Variants in SLC25A36 observed in about 807,000 individuals in gnomAD.
SLC25A36 encodes the protein solute carrier family 25 member 36, also known as epididymis secretory sperm binding protein.
A neutral mutation model predicts 35.3 loss-of-function variants in SLC25A36; 24 were observed. The ratio of observed to expected loss-of-function variants is 0.68; its 90% confidence interval spans 0.49 to 0.96. The LOEUF is 0.96. Ranked by LOEUF, SLC25A36 falls within the 40% of genes least tolerant of loss-of-function variation. SLC25A36 has a pLI of 0.00. For synonymous variants in SLC25A36, 141 were observed against 132.2 expected, an observed-to-expected ratio of 1.07 and a Z score of -0.46; for missense variants, 294 against 381.1, an observed-to-expected ratio of 0.77 and a Z score of 1.90.
In SLC25A36 at chr3:140,945,900, C is replaced by T. The variant is rs1456413111; in HGVS notation, c.41+3805C>T. 5.3e-5 allele frequency among the ~76,000 whole-genome samples: 8 copies of T among 152,004 alleles called. No homozygotes were observed. The South Asian group carries it at 8.3e-4, about 16-fold the overall frequency. Reference sequence around the variant, plus strand: ...AACTGTATGCCGAAGTGTGGTTCTGCGTTGTTTCAATTGCAGGCTACACTA... The same window carrying T: ...AACTGTATGCCGAAGTGTGGTTCTGTGTTGTTTCAATTGCAGGCTACACTA... On this transcript the variant is annotated intron_variant, in intron 1 of 6. Coordinates refer to ENST00000324194, the MANE Select transcript of SLC25A36 (RefSeq NM_001104647.3).
intron 4 of SLC25A36, chr3:140,963,903 T>C (rs530541619): frequency 6.6e-6 from 1 of 152,082 alleles, no homozygotes; most frequent in Non-Finnish European, 1.5e-5. Context: ...TACCCTGCCA[T>C]AAAGATAAAC....
chr3:140,967,793 AAG>A (rs1263589037), intron 4 of SLC25A36, among the ~76,000 whole-genome samples: 1 of 151,936 alleles, frequency 6.6e-6, no homozygotes. Flanking sequence ...CCATCCTACT[AAG>A]AGTATGGCCA....
At chr3:140,947,700 C>G (rs1934204535) in intron 1 of SLC25A36, among the ~76,000 whole-genome samples, 1 of 152,048 alleles carries the variant, frequency 6.6e-6, no homozygotes, top group South Asian at 2.1e-4. Context: ...TTAATTTTTT[C>G]CTGCATCAGA....
chr3:140,973,725 G>A lies in SLC25A36; in HGVS notation c.462G>A (p.Gly154=). 1 of 1,471,662 alleles carries A rather than the reference G, an allele frequency of 6.8e-7. No individual in the cohort carries two copies. 91.2% of individuals were successfully genotyped at this position (1,471,662 alleles called of 1,614,324 possible). ...TCTTTTTGCTTTTCAGGAACCGCGG[G>A]GAAAGGCGAATGGGTGCTTTTGAAT... is the stretch of plus-strand genomic sequence containing the variant. ...TRLQLDARNR[G]ERRMGAFECV... The change falls in exon 6 of 7, where the codon GGG becomes GGA. Residue 154 remains glycine (G), a synonymous_variant. Transcript: ENST00000324194.
intron 1 of SLC25A36, among the ~76,000 whole-genome samples, chr3:140,954,324 C>T (rs539029795): frequency 6.6e-6 from 1 of 152,238 alleles, no homozygotes; most frequent in African/African-American, 2.4e-5. Context: ...CAGTTTTTAG[C>T]TATGAATAAG....
Position 140,976,243 on chromosome 3 carries a change from A to C in SLC25A36, c.743-17A>C. 2.6e-6 allele frequency: 4 copies of C among 1,527,102 alleles called. No homozygotes were observed. The South Asian group carries it at 3.6e-5, about 14-fold the overall frequency. The allele number at this position is 1,527,102 out of a possible 1,614,324, so 94.6% of individuals were successfully genotyped here. Reference sequence around the variant, plus strand: ...AAAGATATCAGTAATGTTTAATTTTATTTCTTTCCTACACAGAAGTTGTAA... The same window carrying C: ...AAAGATATCAGTAATGTTTAATTTTCTTTCTTTCCTACACAGAAGTTGTAA... On this transcript the variant is annotated splice_polypyrimidine_tract_variant and intron_variant, in intron 6 of 6. Coordinates refer to ENST00000324194, the MANE Select transcript of SLC25A36 (RefSeq NM_001104647.3).
In SLC25A36 at chr3:140,978,326, A is replaced by G. The variant is rs1935103678; in HGVS notation, c.*1873A>G. 1 of 152,184 alleles carries G rather than the reference A, an allele frequency of 6.6e-6. No homozygotes were observed. Among genetic ancestry groups the G allele is most frequent in the East Asian group, 1.9e-4 (1 of 5,206 alleles). 9.4% of individuals were successfully genotyped at this position (152,184 alleles called of 1,614,324 possible). On this transcript the variant is annotated 3_prime_UTR_variant, in exon 7 of 7. Transcript: ENST00000324194. ...ATGTATTATGAGGAACGTACCAAAAACCGGTTTGTAACAAATCTGTAGAGA... is the reference window on the plus strand; with the variant it reads ...ATGTATTATGAGGAACGTACCAAAAGCCGGTTTGTAACAAATCTGTAGAGA...
chr3:140,974,756 A>G (rs1221787598), intron 6 of SLC25A36, among the ~76,000 whole-genome samples: 2 of 152,096 alleles, frequency 1.3e-5, no homozygotes, highest in African/African-American at 4.8e-5. Context: ...GTTCACTTAC[A>G]CTGATTAATA....
chr3:140,954,107 T>C (rs1934410250), intron 1 of SLC25A36, among the ~76,000 whole-genome samples: 1 of 152,234 alleles, frequency 6.6e-6, no homozygotes, highest in Admixed American at 6.5e-5. Context: ...CATTTTGCCT[T>C]TTCTAGAATA....
intron 4 of SLC25A36, chr3:140,968,454 C>CA (rs1934818631): frequency 1.0e-6 from 1 of 983,602 alleles, no homozygotes; most frequent in Non-Finnish European, 1.2e-6. Flanking sequence ...AACATTCTCT[C>CA]ACTTACCTAA....
At chr3:140,946,478 G>A (rs1934168728) in intron 1 of SLC25A36, among the ~76,000 whole-genome samples, 1 of 152,130 alleles carries the variant, frequency 6.6e-6, no homozygotes, top group African/African-American at 2.4e-5. Flanking sequence ...ACTATGCGTG[G>A]GACAGGGGCA....
intron 3 of SLC25A36, among the ~76,000 whole-genome samples, chr3:140,959,776 C>T (rs1934582689): frequency 6.6e-6 from 1 of 152,042 alleles, no homozygotes; most frequent in African/African-American, 2.4e-5. Flanking sequence ...GAAGACTTAA[C>T]AGTATTTCAT....
chr3:140,970,776 T>C, intron 4 of SLC25A36, 151 bp from the exon 5 acceptor site: 1 of 438,620 alleles, frequency 2.3e-6, no homozygotes, highest in Non-Finnish European at 4.1e-6. Context: ...AGACAAATGT[T>C]TGTCGTATGT....
chr3:140,978,809 A>C lies in SLC25A36; in HGVS notation c.*2356A>C, dbSNP rs1462353125. 3.9e-5 allele frequency: 6 copies of C among 152,218 alleles called. No homozygotes were observed. Among genetic ancestry groups the C allele is most frequent in the Admixed American group, 1.3e-4 (2 of 15,282 alleles). The allele number at this position is 152,218 out of a possible 1,614,324, so 9.4% of individuals were successfully genotyped here. On this transcript the variant is annotated 3_prime_UTR_variant, in exon 7 of 7. Coordinates refer to ENST00000324194, the MANE Select transcript of SLC25A36 (RefSeq NM_001104647.3). ...CAATAGTTTATGTATGACAGAGATA[A>C]TTCAAAAAGGAAAACTATATATAAA...
intron 1 of SLC25A36, among the ~76,000 whole-genome samples, chr3:140,946,836 GA>G (rs1261191985): frequency 6.6e-6 from 1 of 152,096 alleles, no homozygotes; most frequent in Non-Finnish European, 1.5e-5. Context: ...TAAGTGATTG[GA>G]TTACTAGCCT....
chr3:140,953,574 C>T lies in SLC25A36; in HGVS notation c.42-2953C>T, dbSNP rs781492374. ...TTTCAAATCAGATTTGTCAAGGTAT[C>T]GTTTACATACAGTAAAATCTACCCT... On this transcript the variant is annotated intron_variant, in intron 1 of 6. Coordinates refer to ENST00000324194, the MANE Select transcript of SLC25A36 (RefSeq NM_001104647.3). Among the ~76,000 whole-genome samples the T allele has an allele frequency of 3.9e-5, 6 of 152,192 alleles. 1 individual carries two copies. The highest frequency in any genetic ancestry group is 1.3e-4 in the Admixed American group (2 of 15,286).
intron 4 of SLC25A36, chr3:140,966,796 T>TA (rs1162672067): frequency 1.0e-4 from 40 of 388,142 alleles, no homozygotes; most frequent in Middle Eastern, 7.9e-4. Flanking sequence ...TTCTTTTTTT[T>TA]AACTTAAAAT....
chr3:140,973,233 T>C (rs1271512009), intron 5 of SLC25A36: 1 of 152,202 alleles, frequency 6.6e-6, no homozygotes, highest in Non-Finnish European at 1.5e-5. Context: ...ATCCCTCAGG[T>C]GCACAGAATT....
In SLC25A36 at chr3:140,946,852, T is replaced by C. The variant is rs1934179274; in HGVS notation, c.41+4757T>C. Among the ~76,000 whole-genome samples, 3 of 151,978 alleles carry C rather than the reference T, an allele frequency of 2.0e-5. No homozygotes were observed. The South Asian group carries it at 6.3e-4, about 32-fold the overall frequency. On this transcript the variant is annotated intron_variant, in intron 1 of 6. Coordinates refer to ENST00000324194, the MANE Select transcript of SLC25A36 (RefSeq NM_001104647.3). ...AAGTGATTGGATTACTAGCCTGGAG[T>C]CCAGGAAAGAGGATTGGACTAGGGA...
Sources: gnomAD v4.1 joint callset for allele counts (sites outside exome capture counted in the v4.1 genomes callset) on GRCh38, gnomAD v4.1.1 for gene constraint, MANE v1.5 for transcripts, NCBI Gene and HGNC (gene_info 2026-07-23, HGNC 2026-07-21) for gene names.